The following UBE2D3 variants were observed in gnomAD, a reference collection of about 807,000 sequenced individuals.
UBE2D3 encodes ubiquitin conjugating enzyme E2 D3.
A neutral mutation model predicts 22.8 loss-of-function variants in UBE2D3; 2 were observed. That is an observed-to-expected ratio of 0.09 (90% CI 0.04 to 0.28). UBE2D3 has a LOEUF of 0.28. UBE2D3 is among the 10% of genes least tolerant of loss of function. The pLI is 1.00. For missense variants in UBE2D3, 27 were observed against 182.5 expected (o/e 0.15, Z 4.91); for synonymous variants, 56 against 60.4 (o/e 0.93, Z 0.34).
chr4:102,863,211 C>T (rs566848173), intron 1 of UBE2D3, among the ~76,000 whole-genome samples: 1 of 151,922 alleles, frequency 6.6e-6, no homozygotes, highest in Admixed American at 6.6e-5. Flanking sequence ...CCACCACACC[C>T]AGCTAATTTT....
rs1560837369 is a variant in UBE2D3 at position 102,796,917 on chromosome 4, G to A, written c.*498C>T. On this transcript the variant is annotated 3_prime_UTR_variant, in exon 8 of 8. Transcript: ENST00000453744. ...CTATAAATTCAATACCAATTCTCCAGCCACATCAGTTATGAGCATAAAGCA... is the reference window on the plus strand; with the variant it reads ...CTATAAATTCAATACCAATTCTCCAACCACATCAGTTATGAGCATAAAGCA... 6.6e-6 allele frequency: 1 copy of A among 152,634 alleles called. No homozygotes were observed. Among genetic ancestry groups the A allele is most frequent in the Non-Finnish European group, 1.5e-5 (1 of 68,108 alleles). 9.5% of individuals were successfully genotyped at this position (152,634 alleles called of 1,614,324 possible).
chr4:102,809,010 G>A (rs1239517264), intron 4 of UBE2D3: 2 of 148,420 alleles, frequency 1.3e-5, no homozygotes, highest in African/African-American at 2.9e-5. Flanking sequence ...ATCCTTAAGC[G>A]CCTTAGCAAG....
chr4:102,856,989 T>C (rs1732651442), intron 1 of UBE2D3, among the ~76,000 whole-genome samples: 1 of 152,170 alleles, frequency 6.6e-6, no homozygotes, highest in Admixed American at 6.5e-5. Context: ...CATGACACTA[T>C]GCAGTTGTCA....
At chr4:102,816,482 T>C (rs1169659708) in intron 2 of UBE2D3, among the ~76,000 whole-genome samples, 1 of 152,246 alleles carries the variant, frequency 6.6e-6, no homozygotes, top group Non-Finnish European at 1.5e-5. Flanking sequence ...TAGCTTGCTC[T>C]GGTTCCTACA....
intron 1 of UBE2D3, among the ~76,000 whole-genome samples, chr4:102,863,386 G>A (rs182608560): frequency 7.2e-5 from 11 of 152,052 alleles, no homozygotes; most frequent in African/African-American, 2.2e-4. Context: ...TCACAGGAGC[G>A]AACAGAGTAA....
At chr4:102,810,956 A>C (rs1450562733) in intron 2 of UBE2D3, 1 of 152,216 alleles carries the variant, frequency 6.6e-6, no homozygotes, top group African/African-American at 2.4e-5. Context: ...GGCATAAGTC[A>C]GTACACCCAT....
At chr4:102,809,349 A>G (rs778424874) in intron 4 of UBE2D3, 28 of 294,796 alleles carry the variant, frequency 9.5e-5, no homozygotes, top group Non-Finnish European at 1.9e-4. Flanking sequence ...CAGAGCCAGT[A>G]ACTTTGTCTC....
intron 2 of UBE2D3, chr4:102,825,508 C>G: frequency 8.6e-7 from 1 of 1,168,326 alleles, no homozygotes; most frequent in South Asian, 1.7e-5. Flanking sequence ...CGGAAAGAGC[C>G]TGAACCAGTT....
At position 102,826,634 on chromosome 4, in the gene UBE2D3, C is replaced by T. The variant is rs1181863995; in HGVS notation, c.-126G>A. ...TCACACCAGCTCTGCCAGACACAGG[C>T]GCCTTTTGCAAAAACGGAGCAGATC... is the stretch of plus-strand genomic sequence containing the variant. On this transcript the variant is annotated splice_region_variant and 5_prime_UTR_variant, in exon 2 of 8. Coordinates refer to ENST00000453744, the MANE Select transcript of UBE2D3 (RefSeq NM_181891.3). 3 of 1,572,666 alleles carry T rather than the reference C, an allele frequency of 1.9e-6. No homozygotes were observed. The highest frequency in any genetic ancestry group is 2.3e-5 in the South Asian group (2 of 88,654).
At position 102,835,759 on chromosome 4, in the gene UBE2D3, AAC is replaced by A. The variant is rs1360571853; in HGVS notation, c.-128-9125_-128-9124del. On this transcript the variant is annotated intron_variant, in intron 1 of 7. Coordinates refer to the UBE2D3 transcript ENST00000338145. ...ACAATAAATTATACATACCTAAATA[AAC>A]AGTTTGATAAGCTAACATATATATA... Among the ~76,000 whole-genome samples, 8 of 140,884 alleles carry A rather than the reference AAC, an allele frequency of 5.7e-5. No homozygotes were observed. The South Asian group carries it at 1.6e-3, about 28-fold the overall frequency. The allele number at this position is 140,884 out of a possible 152,430, so 92.4% of individuals were successfully genotyped here. A position where few individuals can be genotyped will look rare whatever the true frequency, so the allele number is the denominator to read the frequency against.
At position 102,799,519 on chromosome 4, in the gene UBE2D3, A is replaced by T; in HGVS notation, c.305-19T>A. The T allele has an allele frequency of 6.3e-7, 1 of 1,586,172 alleles. No individual in the cohort carries two copies. ...AAAAGAACTGCAAGAAAACAAAAACATCTGTTACCCAGTTTCAGGAGTTTG... is the reference window on the plus strand; with the variant it reads ...AAAAGAACTGCAAGAAAACAAAAACTTCTGTTACCCAGTTTCAGGAGTTTG... On this transcript the variant is annotated intron_variant, in intron 6 of 7. Coordinates refer to ENST00000453744, the MANE Select transcript of UBE2D3 (RefSeq NM_181891.3).
intron 1 of UBE2D3, among the ~76,000 whole-genome samples, chr4:102,837,720 G>C (rs961098080): frequency 6.6e-6 from 1 of 152,192 alleles, no homozygotes; most frequent in South Asian, 2.1e-4. Context: ...GGGAGGCCAA[G>C]GCGGGCGGAT....
At chr4:102,867,153 G>C (rs1733185756) in intron 1 of UBE2D3, among the ~76,000 whole-genome samples, 1 of 152,138 alleles carries the variant, frequency 6.6e-6, no homozygotes, top group Non-Finnish European at 1.5e-5. Flanking sequence ...TATAATGATA[G>C]AAAATTATTT....
At chr4:102,802,510 T>C (rs750364727) in intron 5 of UBE2D3, 51 bp downstream of exon 5, 2 of 1,461,638 alleles carry the variant, frequency 1.4e-6, no homozygotes, top group East Asian at 2.3e-5. Flanking sequence ...CTCTATTCCT[T>C]TGAAATAAAG....
At chr4:102,831,814 C>T (rs532230216), upstream of UBE2D3, among the ~76,000 whole-genome samples, 3 of 152,096 alleles carry the variant, frequency 2.0e-5, no homozygotes, top group Non-Finnish European at 4.4e-5. Flanking sequence ...GACTTTCATT[C>T]GGTTTGTCAA....
At chr4:102,847,417 C>T (rs1276249156) in intron 1 of UBE2D3, among the ~76,000 whole-genome samples, 1 of 152,046 alleles carries the variant, frequency 6.6e-6, no homozygotes, top group East Asian at 1.9e-4. Context: ...TCCCAAGTAG[C>T]TAGGACTACA....
intron 1 of UBE2D3, among the ~76,000 whole-genome samples, chr4:102,839,567 C>T (rs964286324): frequency 5.9e-5 from 9 of 152,166 alleles, no homozygotes; most frequent in Non-Finnish European, 1.2e-4. Context: ...CTACTGCACC[C>T]GGCCTCATAT....
chr4:102,814,822 C>T (rs1230063722), intron 2 of UBE2D3, among the ~76,000 whole-genome samples: 2 of 151,962 alleles, frequency 1.3e-5, no homozygotes, highest in East Asian at 3.9e-4. Flanking sequence ...CATAATATAG[C>T]CACTTGTTTA....
intron 1 of UBE2D3, among the ~76,000 whole-genome samples, chr4:102,845,101 AGCTG>A (rs1731980007): frequency 6.6e-6 from 1 of 151,794 alleles, no homozygotes; most frequent in East Asian, 1.9e-4. Context: ...CACAGAAACT[AGCTG>A]GGAGTGATGG....
Sources: gnomAD v4.1 joint callset for allele counts (sites outside exome capture counted in the v4.1 genomes callset) on GRCh38, gnomAD v4.1.1 for gene constraint, MANE v1.5 for transcripts, NCBI Gene and HGNC (gene_info 2026-07-23, HGNC 2026-07-21) for gene names.